The following COLQ variants were observed in gnomAD, a reference collection of about 807,000 sequenced individuals.
COLQ encodes the protein acetylcholinesterase collagenic tail peptide.
COLQ carries 48 observed loss-of-function variants against 69.0 expected under a neutral mutation model. The observed-to-expected ratio is 0.70, with a 90% CI of 0.55 to 0.88. The LOEUF is 0.88. COLQ is among the 40% of genes least tolerant of loss of function. COLQ has a pLI of 0.00. For missense variants in COLQ, 618 were observed against 594.6 expected (o/e 1.04, Z -0.41); for synonymous variants, 217 against 211.2 (o/e 1.03, Z -0.24).
chr3:15,499,004 G>C, intron 1 of COLQ: 2 of 1,099,828 alleles, frequency 1.8e-6, no homozygotes, highest in Non-Finnish European at 2.2e-6. Flanking sequence ...GACTGCTCTG[G>C]TAAGCCTCAA....
At chr3:15,453,307 A>G (rs2061975167) in intron 16 of COLQ, among the ~76,000 whole-genome samples, 1 of 152,106 alleles carries the variant, frequency 6.6e-6, no homozygotes, top group African/African-American at 2.4e-5. Context: ...TGGAGGGAGT[A>G]TTTTCTTGGA....
rs368907901 is a variant in COLQ at position 15,496,699 on chromosome 3, G to A, written c.107-7062C>T. On this transcript the variant is annotated intron_variant, in intron 1 of 16. Transcript: ENST00000383788. ...AGACATCAAGCTCATGTTGTATGTGGCCAGTGCATTGCCAAATTATGGGTA... is the reference window on the plus strand; with the variant it reads ...AGACATCAAGCTCATGTTGTATGTGACCAGTGCATTGCCAAATTATGGGTA... Among the ~76,000 whole-genome samples, 6 of 152,242 alleles carry A rather than the reference G, an allele frequency of 3.9e-5. No individual in the cohort carries two copies. The East Asian group carries it at 5.8e-4, about 15-fold the overall frequency.
intron 3 of COLQ, among the ~76,000 whole-genome samples, chr3:15,484,428 C>A (rs1045897142): frequency 9.2e-5 from 14 of 151,844 alleles, no homozygotes; most frequent in Admixed American, 5.9e-4. Flanking sequence ...ATCTTTGTGG[C>A]GTTCTCTGTA....
At chr3:15,468,608 A>G (rs574577326) in intron 11 of COLQ, among the ~76,000 whole-genome samples, 54 of 152,306 alleles carry the variant, frequency 3.5e-4, no homozygotes, top group African/African-American at 1.3e-3. Flanking sequence ...TGCTGGGATT[A>G]TAGGCATGAG....
intron 3 of COLQ, among the ~76,000 whole-genome samples, chr3:15,482,325 A>C (rs1406679703): frequency 6.6e-6 from 1 of 152,222 alleles, no homozygotes; most frequent in Non-Finnish European, 1.5e-5. Context: ...TTGCCCATTC[A>C]GTATGATATT....
intron 1 of COLQ, among the ~76,000 whole-genome samples, chr3:15,518,237 C>T (rs958959388): frequency 5.9e-5 from 9 of 152,178 alleles, no homozygotes; most frequent in Non-Finnish European, 8.8e-5. Context: ...TGAGCCACCG[C>T]GCCTGGCCTA....
intron 1 of COLQ, among the ~76,000 whole-genome samples, chr3:15,520,254 A>G (rs1294017503): frequency 6.6e-6 from 1 of 152,262 alleles, no homozygotes; most frequent in Non-Finnish European, 1.5e-5. Flanking sequence ...GCACACACCC[A>G]CGGTGACACC....
At chr3:15,504,754 G>T (rs1035315303) in intron 1 of COLQ, among the ~76,000 whole-genome samples, 3 of 152,208 alleles carry the variant, frequency 2.0e-5, no homozygotes, top group African/African-American at 7.2e-5. Context: ...CAGCTACTTG[G>T]GAGGCTGAGG....
chr3:15,456,118 G>T, intron 14 of COLQ, 99 bp from the exon 15 acceptor site: 1 of 1,398,832 alleles, frequency 7.1e-7, no homozygotes, highest in Non-Finnish European at 1.0e-6. Flanking sequence ...CTGCTGGGGG[G>T]CATGCCTTGA....
chr3:15,461,596 G>T (rs967029854), intron 12 of COLQ, among the ~76,000 whole-genome samples: 2 of 152,184 alleles, frequency 1.3e-5, no homozygotes, highest in African/African-American at 4.8e-5. Context: ...GGGGAATCTA[G>T]GAGAGGGCAG....
At chr3:15,457,985 A>AC (rs956413240) in intron 13 of COLQ, among the ~76,000 whole-genome samples, 1 of 152,170 alleles carries the variant, frequency 6.6e-6, no homozygotes, top group Non-Finnish European at 1.5e-5. Context: ...CAAAGAAAAT[A>AC]CCCCAAAATG....
chr3:15,460,920 C>T (rs1366447000), intron 12 of COLQ, among the ~76,000 whole-genome samples: 3 of 152,140 alleles, frequency 2.0e-5, no homozygotes, highest in Non-Finnish European at 1.5e-5. Context: ...GTGACCCCAA[C>T]AACTCCTCCA....
At chr3:15,474,102 C>G in intron 9 of COLQ, 67 bp from the exon 10 acceptor site, 1 of 1,610,362 alleles carries the variant, frequency 6.2e-7, no homozygotes, top group South Asian at 1.1e-5. Context: ...TGTGGACAGG[C>G]TTTGTTGGTC....
chr3:15,458,920 T>G (rs940752058), intron 12 of COLQ, among the ~76,000 whole-genome samples: 1 of 151,848 alleles, frequency 6.6e-6, no homozygotes, highest in African/African-American at 2.4e-5. Flanking sequence ...CTTGGCTCAC[T>G]ACAACCTTTG....
chr3:15,503,607 G>C (rs1257675634), intron 1 of COLQ, among the ~76,000 whole-genome samples: 1 of 152,106 alleles, frequency 6.6e-6, no homozygotes, highest in African/African-American at 2.4e-5. Flanking sequence ...GCCAACAATG[G>C]GACACATTCC....
intron 1 of COLQ, among the ~76,000 whole-genome samples, chr3:15,517,041 C>G (rs1265872016): frequency 1.3e-5 from 2 of 152,132 alleles, no homozygotes; most frequent in Non-Finnish European, 2.9e-5. Context: ...ACTCAAGAGG[C>G]AGAGGTATGA....
At chr3:15,492,615 C>T (rs963550937) in intron 1 of COLQ, among the ~76,000 whole-genome samples, 1 of 151,434 alleles carries the variant, frequency 6.6e-6, no homozygotes, top group Non-Finnish European at 1.5e-5. Flanking sequence ...TGCAGTGAGC[C>T]GAGATCGCGC....
chr3:15,478,422 A>C (rs866422578), intron 5 of COLQ, among the ~76,000 whole-genome samples: 1 of 152,240 alleles, frequency 6.6e-6, no homozygotes, highest in African/African-American at 2.4e-5. Flanking sequence ...ATTCAGTGCC[A>C]GTATCCACTG....
chr3:15,485,463 G>A (rs1043284604), intron 3 of COLQ, among the ~76,000 whole-genome samples: 2 of 152,180 alleles, frequency 1.3e-5, no homozygotes, highest in South Asian at 2.1e-4. Context: ...CTTCTGCATC[G>A]CTCACACTGA....
Sources: allele counts gnomAD v4.1 joint callset (sites outside exome capture counted in the v4.1 genomes callset), GRCh38; gene constraint gnomAD v4.1.1; transcripts MANE v1.5; gene names NCBI Gene and HGNC (gene_info 2026-07-23, HGNC 2026-07-21).